Variants in LPAR1 observed in about 807,000 individuals in gnomAD.
The protein encoded by LPAR1 is LPA receptor 1.
Under a neutral mutation model 23.8 loss-of-function variants are expected in LPAR1, and 5 were observed. The observed-to-expected ratio is 0.21, with a 90% confidence interval of 0.11 to 0.44. The LOEUF (loss-of-function observed/expected upper bound fraction) is 0.44, where lower values mean the gene tolerates loss of function less well. Ranked by LOEUF, LPAR1 falls within the 20% of genes least tolerant of loss-of-function variation. The probability of loss-of-function intolerance (pLI) is 0.99; values close to 1 mark genes in which losing one functional copy is unlikely to be tolerated. For missense variants in LPAR1, 311 were observed against 482.8 expected (o/e 0.64, Z 3.33); for synonymous variants, 160 against 164.7 (o/e 0.97, Z 0.22).
chr9:110,960,777 A>T (rs878979040), intron 4 of LPAR1, among the ~76,000 whole-genome samples: 4 of 152,154 alleles, frequency 2.6e-5, no homozygotes, highest in Admixed American at 2.6e-4. Flanking sequence ...AACACTGAGA[A>T]CTCTATTTCT....
intron 5 of LPAR1, among the ~76,000 whole-genome samples, chr9:110,892,759 G>T (rs1310734952): frequency 1.4e-5 from 2 of 142,392 alleles, no homozygotes; most frequent in African/African-American, 5.2e-5. Flanking sequence ...AGGGAGGAAG[G>T]GGAGGAAGGG....
intron 5 of LPAR1, among the ~76,000 whole-genome samples, chr9:110,927,116 G>A (rs1456742431): frequency 6.6e-6 from 1 of 152,204 alleles, no homozygotes; most frequent in East Asian, 1.9e-4. Flanking sequence ...AGAAGTTGTC[G>A]TAAAGGTTAA....
intron 2 of LPAR1, among the ~76,000 whole-genome samples, chr9:110,980,650 G>A (rs1314821824): frequency 6.6e-6 from 1 of 151,750 alleles, no homozygotes; most frequent in Non-Finnish European, 1.5e-5. Context: ...GATAGGGAGA[G>A]TTTGGTTAAT....
intron 5 of LPAR1, among the ~76,000 whole-genome samples, chr9:110,913,277 C>T (rs2092684801): frequency 6.6e-6 from 1 of 152,152 alleles, no homozygotes; most frequent in Admixed American, 6.5e-5. Flanking sequence ...GTTTTTCTGC[C>T]AGACCATGCT....
chr9:110,936,680 A>G (rs760808447), intron 5 of LPAR1, among the ~76,000 whole-genome samples: 1 of 152,206 alleles, frequency 6.6e-6, no homozygotes, highest in African/African-American at 2.4e-5. Context: ...AGAACAAACT[A>G]GAAAAACAGT....
At chr9:111,009,251 T>C (rs1481024633) in intron 2 of LPAR1, among the ~76,000 whole-genome samples, 1 of 151,984 alleles carries the variant, frequency 6.6e-6, no homozygotes, top group African/African-American at 2.4e-5. Context: ...AGTAGGTGAG[T>C]AATACAGCTG....
intron 5 of LPAR1, among the ~76,000 whole-genome samples, chr9:110,892,170 T>C (rs1414031266): frequency 6.6e-6 from 1 of 152,228 alleles, no homozygotes; most frequent in Non-Finnish European, 1.5e-5. Context: ...GAATATACAG[T>C]AGTATTTCCA....
At chr9:110,987,867 A>G (rs1220837450) in intron 2 of LPAR1, among the ~76,000 whole-genome samples, 3 of 152,068 alleles carry the variant, frequency 2.0e-5, no homozygotes, top group Non-Finnish European at 4.4e-5. Context: ...CTAAAAATAA[A>G]CACTATAAAC....
intron 4 of LPAR1, among the ~76,000 whole-genome samples, chr9:110,965,632 A>T (rs2096188495): frequency 6.6e-6 from 1 of 152,198 alleles, no homozygotes; most frequent in South Asian, 2.1e-4. Context: ...ACAGATGCTG[A>T]AGAGGATGTG....
At chr9:110,916,084 A>G (rs2093056131) in intron 5 of LPAR1, among the ~76,000 whole-genome samples, 1 of 152,252 alleles carries the variant, frequency 6.6e-6, no homozygotes, top group Admixed American at 6.5e-5. Context: ...ATACTACTAT[A>G]TACATTTAAA....
At chr9:110,915,563 C>G (rs2092995267) in intron 5 of LPAR1, among the ~76,000 whole-genome samples, 1 of 151,946 alleles carries the variant, frequency 6.6e-6, no homozygotes, top group African/African-American at 2.4e-5. Flanking sequence ...AGAGAATATA[C>G]AACAAAAAAG....
At chr9:111,015,766 A>G (rs1159385800) in intron 2 of LPAR1, among the ~76,000 whole-genome samples, 1 of 152,156 alleles carries the variant, frequency 6.6e-6, no homozygotes, top group Non-Finnish European at 1.5e-5. Flanking sequence ...AGATGTTTTC[A>G]TAAATAACTT....
chr9:111,014,182 A>G (rs1293492681), intron 2 of LPAR1, among the ~76,000 whole-genome samples: 1 of 152,096 alleles, frequency 6.6e-6, no homozygotes, highest in Non-Finnish European at 1.5e-5. Context: ...CACCACAATC[A>G]TGATTAAACT....
chr9:110,890,008 G>A (rs1351702171), intron 5 of LPAR1, among the ~76,000 whole-genome samples: 1 of 151,934 alleles, frequency 6.6e-6, no homozygotes, highest in East Asian at 1.9e-4. Context: ...AAATAAAAAA[G>A]AATAAACTTG....
chr9:110,953,812 C>G (rs1284055675), intron 4 of LPAR1, among the ~76,000 whole-genome samples: 1 of 152,098 alleles, frequency 6.6e-6, no homozygotes, highest in Middle Eastern at 3.2e-3. Context: ...AAACATCCTC[C>G]CCTATGAAAG....
At chr9:110,917,420 A>G (rs1356547169) in intron 5 of LPAR1, among the ~76,000 whole-genome samples, 1 of 152,158 alleles carries the variant, frequency 6.6e-6, no homozygotes, top group Non-Finnish European at 1.5e-5. Context: ...TAAGACTAAG[A>G]AACACTATGC....
At chr9:110,877,297 T>A in intron 5 of LPAR1, among the ~76,000 whole-genome samples, 1 of 152,214 alleles carries the variant, frequency 6.6e-6, no homozygotes, top group East Asian at 1.9e-4. Context: ...ACAACACAAA[T>A]GTGTATTGGT....
chr9:110,876,502 T>A (rs1181395441), intron 5 of LPAR1, among the ~76,000 whole-genome samples: 1 of 152,146 alleles, frequency 6.6e-6, no homozygotes, highest in Non-Finnish European at 1.5e-5. Flanking sequence ...GAAACTAATA[T>A]CCCCATTGTA....
At chr9:110,925,096 G>A (rs2093912848) in intron 5 of LPAR1, among the ~76,000 whole-genome samples, 1 of 152,054 alleles carries the variant, frequency 6.6e-6, no homozygotes. Flanking sequence ...TCACACAACA[G>A]GCAATATGCC....
Sources: gnomAD v4.1 joint callset for allele counts (sites outside exome capture counted in the v4.1 genomes callset) on GRCh38, gnomAD v4.1.1 for gene constraint, MANE v1.5 for transcripts, NCBI Gene and HGNC (gene_info 2026-07-23, HGNC 2026-07-21) for gene names.